SMG6: variants seen among roughly 807,000 people sequenced by gnomAD.
SMG6 encodes the protein SMG6 nonsense mediated mRNA decay factor.
SMG6 carries 66 observed loss-of-function variants against 142.2 expected under a neutral mutation model. That is an observed-to-expected ratio of 0.46 (90% CI 0.38 to 0.57). SMG6 has a LOEUF of 0.57. Ranked by LOEUF, SMG6 falls within the 20% of genes least tolerant of loss-of-function variation. The pLI is 0.00. For missense variants in SMG6, 1,793 were observed against 1,832.0 expected (o/e 0.98, Z 0.39); for synonymous variants, 779 against 702.4 (o/e 1.11, Z -1.72).
chr17:2,276,643 C>A (rs1273730859), intron 8 of SMG6, among the ~76,000 whole-genome samples: 1 of 152,220 alleles, frequency 6.6e-6, no homozygotes, highest in African/African-American at 2.4e-5. Flanking sequence ...ACCTCGGTCT[C>A]CCAAAGTGCT....
At chr17:2,221,302 A>T (rs2073162941) in intron 10 of SMG6, among the ~76,000 whole-genome samples, 1 of 151,862 alleles carries the variant, frequency 6.6e-6, no homozygotes, top group Non-Finnish European at 1.5e-5. Context: ...CTCCTGATGG[A>T]GCTCTCGGGA....
At chr17:2,221,305 T>C (rs2151767676) in intron 10 of SMG6, among the ~76,000 whole-genome samples, 1 of 152,212 alleles carries the variant, frequency 6.6e-6, no homozygotes, top group East Asian at 1.9e-4. Flanking sequence ...CTGATGGAGC[T>C]CTCGGGACAT....
In SMG6 at chr17:2,088,883, T is replaced by G. The variant is rs2068638607; in HGVS notation, c.3358-2982A>C. The stretch of plus-strand genomic sequence containing the variant: ...GGGGAGAGGACCACCGCTCTCTTGA[T>G]GCTGGAGTTCTGTAGGAGACTTACG... On this transcript the variant is annotated intron_variant, in intron 13 of 18. Coordinates refer to ENST00000263073, the MANE Select transcript of SMG6 (RefSeq NM_017575.5). 6 of 972,848 alleles carry G rather than the reference T, an allele frequency of 6.2e-6. No homozygotes were observed. The Admixed American group carries it at 3.7e-4, about 60-fold the overall frequency. 60.3% of individuals were successfully genotyped at this position (972,848 alleles called of 1,614,324 possible). A position where few individuals can be genotyped will look rare whatever the true frequency, so the allele number is the denominator to read the frequency against.
At chr17:2,211,130 T>C (rs1021702288) in intron 10 of SMG6, among the ~76,000 whole-genome samples, 2 of 146,202 alleles carry the variant, frequency 1.4e-5, no homozygotes, top group Non-Finnish European at 3.0e-5. Flanking sequence ...AAAAGATACA[T>C]AGAACATGCT....
chr17:2,258,971 G>T (rs2074254758), intron 8 of SMG6, among the ~76,000 whole-genome samples: 1 of 151,776 alleles, frequency 6.6e-6, no homozygotes, highest in South Asian at 2.1e-4. Context: ...CCAGCTAGTT[G>T]GGAGGCTGAG....
chr17:2,166,390 A>T (rs2071339659), intron 13 of SMG6, among the ~76,000 whole-genome samples: 1 of 65,924 alleles, frequency 1.5e-5, no homozygotes, highest in South Asian at 5.0e-4. Context: ...ACGCAAATAG[A>T]GAAACAAATT....
chr17:2,258,022 A>ATATATATAT (rs1423222984), intron 8 of SMG6, among the ~76,000 whole-genome samples: 2 of 53,916 alleles, frequency 3.7e-5, no homozygotes, highest in Non-Finnish European at 9.3e-5. Context: ...AAAAAAAAAA[A>ATATATATAT]AAAAAAAAAA....
chr17:2,081,852 G>T lies in SMG6; in HGVS notation c.3639C>A (p.Ala1213=). ...RELRAKKLAL[A]RKIAEQQRRQ... ...GACGCTGCTGCTCAGCTATCTTCCT[G>T]GCCAGAGCCAGCTTCTTGGCCCGAA... Residue 1213 remains alanine (A), a synonymous_variant, in exon 15 of 19, where the codon GCC becomes GCA. Coordinates refer to ENST00000263073, the MANE Select transcript of SMG6 (RefSeq NM_017575.5). 6.2e-7 allele frequency: 1 copy of T among 1,613,972 alleles called. No homozygotes were observed. The highest frequency in any genetic ancestry group is 1.3e-5 in the African/African-American group (1 of 75,036).
intron 12 of SMG6, among the ~76,000 whole-genome samples, chr17:2,179,714 A>G (rs1405853079): frequency 1.3e-5 from 2 of 152,182 alleles, no homozygotes; most frequent in African/African-American, 4.8e-5. Flanking sequence ...CCAGAGCCCC[A>G]GCTATGTTTC....
Position 2,060,554 on chromosome 17 carries a change from A to C in SMG6, c.*938T>G, listed in dbSNP as rs1449492386. 6.6e-6 allele frequency: 1 copy of C among 152,346 alleles called. No individual in the cohort carries two copies. The highest frequency in any genetic ancestry group is 1.9e-4 in the East Asian group (1 of 5,190). The allele number at this position is 152,346 out of a possible 1,614,324, so 9.4% of individuals were successfully genotyped here. A position where few individuals can be genotyped will look rare whatever the true frequency, so the allele number is the denominator to read the frequency against. ...CCCCTATGACGAGGAACCGCGGTGA[A>C]GAAATGAAGGGGATCAGGGAGGTGA... On this transcript the variant is annotated 3_prime_UTR_variant, in exon 19 of 19. Coordinates refer to ENST00000263073, the MANE Select transcript of SMG6 (RefSeq NM_017575.5).
chr17:2,156,659 CTTGT>C (rs1217261769), intron 13 of SMG6, among the ~76,000 whole-genome samples: 4 of 151,476 alleles, frequency 2.6e-5, no homozygotes, highest in African/African-American at 7.3e-5. Flanking sequence ...TTTTTTTTTG[CTTGT>C]TTGTTTTTTG....
chr17:2,282,566 CTG>C, intron 8 of SMG6, 79 bp downstream of exon 8: 1 of 1,374,868 alleles, frequency 7.3e-7, no homozygotes, highest in Non-Finnish European at 1.0e-6. Flanking sequence ...TGGGAAGTAT[CTG>C]TGCCTCACAG....
intron 10 of SMG6, among the ~76,000 whole-genome samples, chr17:2,202,127 C>G (rs2072546675): frequency 1.3e-5 from 2 of 152,164 alleles, no homozygotes; most frequent in South Asian, 4.1e-4. Context: ...ATGTTCATAG[C>G]AGTTTTACTC....
chr17:2,088,410 C>A, intron 13 of SMG6: 1 of 985,382 alleles, frequency 1.0e-6, no homozygotes, highest in African/African-American at 1.7e-5. Context: ...ACACAAGCAA[C>A]GAGGAGTAGC....
intron 8 of SMG6, among the ~76,000 whole-genome samples, chr17:2,279,092 G>T (rs1237525502): frequency 6.6e-6 from 1 of 152,150 alleles, no homozygotes; most frequent in African/African-American, 2.4e-5. Context: ...CCAGAAATGT[G>T]GTTATTACAA....
At chr17:2,126,161 T>G (rs1262236542) in intron 13 of SMG6, among the ~76,000 whole-genome samples, 1 of 152,072 alleles carries the variant, frequency 6.6e-6, no homozygotes, top group Non-Finnish European at 1.5e-5. Flanking sequence ...AACTGACTTT[T>G]GACAAGGGTG....
At position 2,282,792 on chromosome 17, in the gene SMG6, T is replaced by A. The variant is rs754988744; in HGVS notation, c.2516A>T (p.Lys839Met). ...TCCAACATGCCGGAAAGTAGACTTC[T>A]TTCCTTTCCGCCACTGGTCAGGGCT... The part of the protein sequence containing the change: ...DLSPDQWRKG[K>M]KSTFRHVGDD... The change falls in exon 8 of 19, where the codon AAG becomes ATG. Residue 839 changes from lysine (K) to methionine (M), a missense_variant. Around this residue, in one of 3 missense-constraint regions of SMG6, gnomAD observed 1,597 missense variants for 1,584.6 expected, o/e 1.01. Coordinates refer to ENST00000263073, the MANE Select transcript of SMG6 (RefSeq NM_017575.5). 6.2e-7 allele frequency: 1 copy of A among 1,614,216 alleles called. No homozygotes were observed. The highest frequency in any genetic ancestry group is 8.5e-7 in the Non-Finnish European group (1 of 1,180,032).
intron 14 of SMG6, among the ~76,000 whole-genome samples, chr17:2,084,653 G>A (rs1390510744): frequency 2.6e-5 from 4 of 152,180 alleles, no homozygotes; most frequent in African/African-American, 4.8e-5. Context: ...TCTACCGGGC[G>A]CTTGAGACTG....
At chr17:2,152,870 T>TAG (rs1567640905) in intron 13 of SMG6, among the ~76,000 whole-genome samples, 1 of 152,206 alleles carries the variant, frequency 6.6e-6, no homozygotes, top group Admixed American at 6.6e-5. Flanking sequence ...ACGTAAAGAC[T>TAG]GATGCACAAA....
Sources: allele counts gnomAD v4.1 joint callset (sites outside exome capture counted in the v4.1 genomes callset), GRCh38; gene constraint gnomAD v4.1.1; regional missense constraint gnomAD v4.1.1; transcripts MANE v1.5; gene names NCBI Gene and HGNC (gene_info 2026-07-23, HGNC 2026-07-21).